DGKG: variants seen among roughly 807,000 people sequenced by gnomAD.
The protein encoded by DGKG is diacylglycerol kinase gamma, also known as DAG kinase gamma.
Under a neutral mutation model 105.3 loss-of-function variants are expected in DGKG, and 78 were observed. The ratio of observed to expected loss-of-function variants is 0.74; its 90% CI spans 0.62 to 0.89. The LOEUF is 0.89. Ranked by LOEUF, DGKG falls within the 40% of genes least tolerant of loss-of-function variation. The pLI, the probability that DGKG is intolerant of heterozygous loss-of-function variation, is 0.00. For synonymous variants in DGKG, 346 were observed against 367.1 expected (o/e 0.94, Z 0.66); for missense variants, 958 against 1,020.1 (o/e 0.94, Z 0.83).
At chr3:186,288,643 T>C in intron 6 of DGKG, 67 bp downstream of exon 6, 1 of 1,534,482 alleles carries the variant, frequency 6.5e-7, no homozygotes, top group Non-Finnish European at 9.0e-7. Context: ...TGTTTAGGAA[T>C]AATGGATAGA....
intron 21 of DGKG, among the ~76,000 whole-genome samples, chr3:186,192,200 T>C (rs1399482331): frequency 1.3e-5 from 2 of 152,088 alleles, no homozygotes; most frequent in Non-Finnish European, 2.9e-5. Context: ...TTAGTTGAGA[T>C]GGGGTTTTAC....
intron 20 of DGKG, among the ~76,000 whole-genome samples, chr3:186,222,318 C>A (rs1260335116): frequency 6.6e-6 from 1 of 152,186 alleles, no homozygotes; most frequent in African/African-American, 2.4e-5. Flanking sequence ...CCCACAAGAG[C>A]CAATTAACCC....
intron 22 of DGKG, among the ~76,000 whole-genome samples, chr3:186,166,487 T>C (rs1167478235): frequency 6.6e-6 from 1 of 152,240 alleles, no homozygotes; most frequent in Non-Finnish European, 1.5e-5. Flanking sequence ...CTGAAGGAGT[T>C]TGGACCTAAT....
chr3:186,176,929 G>A (rs181263145), intron 22 of DGKG, among the ~76,000 whole-genome samples: 101 of 152,344 alleles, frequency 6.6e-4, no homozygotes, highest in African/African-American at 2.2e-3. Flanking sequence ...GGGCGTGGAG[G>A]CAGGCAGGAA....
chr3:186,357,489 T>C (rs1209540807), intron 1 of DGKG, among the ~76,000 whole-genome samples: 1 of 152,240 alleles, frequency 6.6e-6, no homozygotes, highest in African/African-American at 2.4e-5. Flanking sequence ...CAGTCTCTCC[T>C]ATCAGCTTTG....
At chr3:186,172,507 G>A (rs1429387820) in intron 22 of DGKG, among the ~76,000 whole-genome samples, 1 of 152,216 alleles carries the variant, frequency 6.6e-6, no homozygotes, top group Non-Finnish European at 1.5e-5. Context: ...GATAAAACCT[G>A]TGGGCCCTGT....
chr3:186,160,565 C>T, intron 24 of DGKG: 1 of 985,288 alleles, frequency 1.0e-6, no homozygotes, highest in Middle Eastern at 5.2e-4. Flanking sequence ...AAGATGCTAC[C>T]TTTTCTCAGC....
At chr3:186,242,619 C>A in intron 19 of DGKG, 51 bp from the exon 20 acceptor site, 1 of 1,532,384 alleles carries the variant, frequency 6.5e-7, no homozygotes, top group East Asian at 2.3e-5. Context: ...CATGACAGTG[C>A]AGTGCGGAGG....
At chr3:186,160,621 G>C (rs1716246509) in intron 24 of DGKG, 19 of 985,280 alleles carry the variant, frequency 1.9e-5, no homozygotes, top group Middle Eastern at 5.2e-4. Context: ...TTGATGTTCT[G>C]GAGGGCTCAA....
intron 20 of DGKG, among the ~76,000 whole-genome samples, chr3:186,233,877 C>T (rs909524305): frequency 1.3e-5 from 2 of 152,136 alleles, no homozygotes; most frequent in African/African-American, 2.4e-5. Context: ...ACAGGTGAGC[C>T]GACTGAGGTT....
At chr3:186,224,397 G>T (rs1719748477) in intron 20 of DGKG, among the ~76,000 whole-genome samples, 6 of 152,132 alleles carry the variant, frequency 3.9e-5, no homozygotes, top group Admixed American at 3.9e-4. Flanking sequence ...TGCTACCCAA[G>T]ACATCAAAGG....
intron 21 of DGKG, among the ~76,000 whole-genome samples, chr3:186,191,675 C>T (rs1360523223): frequency 2.0e-5 from 3 of 152,222 alleles, no homozygotes; most frequent in African/African-American, 4.8e-5. Context: ...TCACTTCAAA[C>T]GTTGTCTAGC....
intron 3 of DGKG, among the ~76,000 whole-genome samples, chr3:186,302,483 T>C (rs866239204): frequency 3.1e-3 from 28 of 8,922 alleles, no homozygotes; most frequent in East Asian, 7.1e-3. Context: ...TATATATATA[T>C]ATATATATAT....
At chr3:186,310,279 A>AAAAAAAAAAAAAC (rs1724469049) in intron 2 of DGKG, among the ~76,000 whole-genome samples, 1 of 149,034 alleles carries the variant, frequency 6.7e-6, no homozygotes, top group African/African-American at 2.4e-5. Flanking sequence ...AAAAAAAAAA[A>AAAAAAAAAAAAAC]AAAAAAAAAA....
chr3:186,221,164 C>T (rs986013160), intron 20 of DGKG, among the ~76,000 whole-genome samples: 1 of 152,202 alleles, frequency 6.6e-6, no homozygotes, highest in African/African-American at 2.4e-5. Context: ...GGAGAATGGC[C>T]ACTGTGCTGT....
intron 2 of DGKG, among the ~76,000 whole-genome samples, chr3:186,314,428 G>T (rs1020799120): frequency 5.9e-5 from 9 of 152,158 alleles, no homozygotes; most frequent in Non-Finnish European, 1.0e-4. Context: ...AATGTGTAAT[G>T]CTTGGCATTG....
rs1270365105 is a variant in DGKG at position 186,245,930 on chromosome 3, AAC to A, written c.1762-3364_1762-3363del. On this transcript the variant is annotated intron_variant, in intron 19 of 24. Transcript: ENST00000265022. Reference sequence around the variant, plus strand: ...AACAAACAAACAAAAAAACAACAACAACAAAAAAAAACAGATGAAGTTAATAT... The same window carrying A: ...AACAAACAAACAAAAAAACAACAACAAAAAAAAAACAGATGAAGTTAATAT... Among the ~76,000 whole-genome samples the A allele has an allele frequency of 1.6e-3, 238 of 150,784 alleles. 1 individual carries two copies. The highest frequency in any genetic ancestry group is 5.8e-3 in the African/African-American group (232 of 40,132).
intron 1 of DGKG, among the ~76,000 whole-genome samples, chr3:186,355,245 GCTACCACCAACACCAACACCA>G (rs1357932467): frequency 1.3e-5 from 2 of 149,424 alleles, no homozygotes; most frequent in South Asian, 4.3e-4. Flanking sequence ...TACCATCACC[GCTACCACCAACACCAACACCA>G]CTACCACCAG....
intron 20 of DGKG, among the ~76,000 whole-genome samples, chr3:186,217,713 G>T (rs1287380380): frequency 1.3e-5 from 2 of 152,220 alleles, no homozygotes; most frequent in African/African-American, 4.8e-5. Context: ...CCAGCTAGCT[G>T]CTGGCCATTC....
Sources: allele counts gnomAD v4.1 joint callset (sites outside exome capture counted in the v4.1 genomes callset), GRCh38; gene constraint gnomAD v4.1.1; transcripts MANE v1.5; gene names NCBI Gene and HGNC (gene_info 2026-07-23, HGNC 2026-07-21).